PRH1: variants seen among roughly 807,000 people sequenced by gnomAD.
PRH1 encodes the protein salivary acidic proline-rich phosphoprotein 1/2.
In PRH1, 7 loss-of-function variants were observed where a neutral mutation model predicts 7.9. The observed-to-expected ratio is 0.89, with a 90% CI of 0.50 to 1.67. The LOEUF (loss-of-function observed/expected upper bound fraction) is 1.67. PRH1 is among the 40% of genes most tolerant of loss of function. The probability of loss-of-function intolerance (pLI) is 0.00; values close to 1 mark genes in which losing one functional copy is unlikely to be tolerated. For missense variants in PRH1, 109 were observed against 223.6 expected, an observed-to-expected ratio of 0.49 and a Z score of 3.27; for synonymous variants, 45 against 80.8, an observed-to-expected ratio of 0.56 and a Z score of 2.38.
intron 2 of PRH1, chr12:10,891,951 A>G (rs1380547674): frequency 6.6e-6 from 1 of 152,244 alleles, no homozygotes; most frequent in Non-Finnish European, 1.5e-5. Flanking sequence ...AGAAGAGAAG[A>G]GTCTTTATCT....
chr12:10,988,583 T>C (rs1446099996), intron 1 of PRH1, among the ~76,000 whole-genome samples: 7 of 152,092 alleles, frequency 4.6e-5, no homozygotes, highest in Admixed American at 4.6e-4. Flanking sequence ...ATTTTTCCAG[T>C]TAATAATTTT....
At chr12:11,070,311 A>T (rs1944006594) in intron 1 of PRH1, among the ~76,000 whole-genome samples, 1 of 152,184 alleles carries the variant, frequency 6.6e-6, no homozygotes, top group African/African-American at 2.4e-5. Context: ...AGAATGCCTC[A>T]GGCAAGCATG....
In PRH1 at chr12:10,923,990, G is replaced by GTTTTTTTTTTTT. The variant is rs35612831; in HGVS notation, c.-58-39727_-58-39716dup. The stretch of plus-strand genomic sequence containing the variant: ...GTTCTTTTTATTCATTTCTCCATCT[G>GTTTTTTTTTTTT]TTTTTTTTTTTTTTTTTTTTTTTGA... On this transcript the variant is annotated intron_variant, in intron 2 of 3. Transcript: ENST00000539853. Among the ~76,000 whole-genome samples the GTTTTTTTTTTTT allele has an allele frequency of 6.7e-5, 6 of 89,490 alleles. 1 individual carries two copies. The highest frequency in any genetic ancestry group is 7.4e-5 in the Non-Finnish European group (4 of 53,744). 58.7% of individuals were successfully genotyped at this position (89,490 alleles called of 152,430 possible).
chr12:11,020,248 T>C (rs1478024469), intron 1 of PRH1, among the ~76,000 whole-genome samples: 43 of 146,912 alleles, frequency 2.9e-4, no homozygotes, highest in Admixed American at 1.6e-3. Flanking sequence ...ATATCATTTT[T>C]GACCAACTAT....
chr12:10,952,359 G>A (rs759628699), intron 2 of PRH1, among the ~76,000 whole-genome samples: 1 of 152,210 alleles, frequency 6.6e-6, no homozygotes, highest in African/African-American at 2.4e-5. Context: ...GTCTTTACGT[G>A]TGAAGAGCAA....
intron 2 of PRH1, chr12:10,973,456 A>G (rs1591751523): frequency 1.1e-5 from 5 of 435,166 alleles, no homozygotes; most frequent in Non-Finnish European, 2.0e-5. Context: ...AACTTAGACT[A>G]TATTTTACAA....
chr12:10,989,124 A>G (rs540422845), intron 1 of PRH1, among the ~76,000 whole-genome samples: 1 of 152,234 alleles, frequency 6.6e-6, no homozygotes, highest in East Asian at 1.9e-4. Context: ...TTCTTTATAC[A>G]TTAACAACTA....
chr12:10,969,405 C>T (rs919653185), intron 2 of PRH1, among the ~76,000 whole-genome samples: 1 of 152,172 alleles, frequency 6.6e-6, no homozygotes, highest in African/African-American at 2.4e-5. Flanking sequence ...TCCCTTTGGG[C>T]CACAGTCTCA....
intron 1 of PRH1, among the ~76,000 whole-genome samples, chr12:11,102,665 T>C (rs1283150153): frequency 6.6e-6 from 1 of 152,078 alleles, no homozygotes; most frequent in Non-Finnish European, 1.5e-5. Context: ...CCAAAAGCAA[T>C]GGCAACAAAA....
intron 2 of PRH1, among the ~76,000 whole-genome samples, chr12:10,933,244 C>T (rs1287084313): frequency 6.6e-6 from 1 of 151,880 alleles, no homozygotes; most frequent in Non-Finnish European, 1.5e-5. Flanking sequence ...GACTTATATA[C>T]AAAATGACCT....
chr12:11,030,032 A>G (rs2136096596), intron 1 of PRH1, among the ~76,000 whole-genome samples: 1 of 152,356 alleles, frequency 6.6e-6, no homozygotes. Flanking sequence ...TCCTGGGATA[A>G]GCTGTTACTT....
chr12:11,028,191 G>T (rs1200052388), intron 1 of PRH1, among the ~76,000 whole-genome samples: 2 of 152,222 alleles, frequency 1.3e-5, no homozygotes, highest in Non-Finnish European at 2.9e-5. Context: ...ACTGGATGAT[G>T]TAAGACAGAA....
At chr12:10,997,393 G>T (rs1445291780) in intron 1 of PRH1, 1 of 1,613,964 alleles carries the variant, frequency 6.2e-7, no homozygotes, top group African/African-American at 1.3e-5. Flanking sequence ...TCCAAGTTAC[G>T]TTTCCTTCAC....
At chr12:11,068,626 A>G (rs1227641151) in intron 1 of PRH1, among the ~76,000 whole-genome samples, 2 of 152,200 alleles carry the variant, frequency 1.3e-5, no homozygotes, top group African/African-American at 2.4e-5. Flanking sequence ...GCTATACGTA[A>G]AAGGTGAGAT....
chr12:10,938,794 C>G, intron 2 of PRH1: 2 of 1,613,178 alleles, frequency 1.2e-6, no homozygotes, highest in East Asian at 2.2e-5. Context: ...ACAAGAAGAC[C>G]GAAGTCACAA....
chr12:10,943,263 T>C (rs778900976), intron 2 of PRH1, among the ~76,000 whole-genome samples: 1 of 152,226 alleles, frequency 6.6e-6, no homozygotes, highest in Non-Finnish European at 1.5e-5. Flanking sequence ...ATTTTAGTAA[T>C]AGCCATTCTG....
At chr12:11,018,490 C>T (rs575038340) in intron 1 of PRH1, among the ~76,000 whole-genome samples, 1 of 148,892 alleles carries the variant, frequency 6.7e-6, no homozygotes, top group African/African-American at 2.4e-5. Flanking sequence ...ATCCTTCCAC[C>T]TGGGACTTGA....
intron 1 of PRH1, among the ~76,000 whole-genome samples, chr12:11,151,502 A>G (rs139398167): frequency 6.6e-6 from 1 of 152,296 alleles, no homozygotes; most frequent in East Asian, 1.9e-4. Flanking sequence ...TTTTAAACAC[A>G]TACGAAGAAA....
chr12:11,040,197 T>C (rs1016043356), intron 1 of PRH1, among the ~76,000 whole-genome samples: 1 of 152,232 alleles, frequency 6.6e-6, no homozygotes, highest in African/African-American at 2.4e-5. Flanking sequence ...ACTTAAAGGA[T>C]TAAGAGGAAT....
Sources: allele counts gnomAD v4.1 joint callset (sites outside exome capture counted in the v4.1 genomes callset), GRCh38; gene constraint gnomAD v4.1.1; transcripts MANE v1.5; gene names NCBI Gene and HGNC (gene_info 2026-07-23, HGNC 2026-07-21).